The following XIRP2 variants were observed in gnomAD, a reference collection of about 807,000 sequenced individuals.
XIRP2 encodes xin actin-binding repeat-containing protein 2.
XIRP2 carries 236 observed loss-of-function variants against 277.0 expected under a neutral mutation model. The ratio of observed to expected loss-of-function variants is 0.85; its 90% CI spans 0.77 to 0.95. The LOEUF (loss-of-function observed/expected upper bound fraction) is 0.95. XIRP2 is among the 40% of genes least tolerant of loss of function. The pLI is 0.00. For missense variants in XIRP2, 4,640 were observed against 4,157.5 expected (o/e 1.12, Z -3.19); for synonymous variants, 1,490 against 1,416.5 (o/e 1.05, Z -1.17).
At chr2:167,254,210 A>G in intron 10 of XIRP2, 45 bp downstream of exon 10, 1 of 1,585,036 alleles carries the variant, frequency 6.3e-7, no homozygotes, top group Non-Finnish European at 8.6e-7. Context: ...CAGGAGCTGC[A>G]CTCTATGTAT....
chr2:167,011,790 T>C (rs1260763232), intron 2 of XIRP2, among the ~76,000 whole-genome samples: 1 of 152,028 alleles, frequency 6.6e-6, no homozygotes, highest in Non-Finnish European at 1.5e-5. Context: ...TTCTTCCTGG[T>C]TTAGTGTTGG....
Position 167,044,480 on chromosome 2 carries a change from A to G in XIRP2, c.409-91429A>G, listed in dbSNP as rs537423898. ...TCCAAATAGGAAGAGAGGCAGTCAA[A>G]CTGTCTCTCATCACAGATGATATGA... On this transcript the variant is annotated intron_variant, in intron 2 of 10. Coordinates refer to ENST00000409195, the MANE Select transcript of XIRP2 (RefSeq NM_152381.6). Among the ~76,000 whole-genome samples, 12 of 152,214 alleles carry G rather than the reference A, an allele frequency of 7.9e-5. No individual in the cohort carries two copies. The South Asian group carries it at 2.3e-3, about 29-fold the overall frequency.
At chr2:166,942,482 G>T (rs2105384464) in intron 2 of XIRP2, among the ~76,000 whole-genome samples, 1 of 152,316 alleles carries the variant, frequency 6.6e-6, no homozygotes. Flanking sequence ...ACTGCGGGCA[G>T]TCCAAGCACA....
In XIRP2 at chr2:167,243,882, G is replaced by A. The variant is rs1573991347; in HGVS notation, c.2490G>A (p.Lys830=). Residue 830 remains lysine (K), a synonymous_variant, in exon 9 of 11, where the codon AAG becomes AAA. Transcript: ENST00000409195. ...AGTCAGAAGAGGTCATCATTGAAAA[G>A]GAAAAAATAATAGGTACAGATGTCT... The part of the protein sequence containing the change: ...IKESEEVIIE[K]EKIIGTDVSR... 6.2e-7 allele frequency: 1 copy of A among 1,613,600 alleles called. No homozygotes were observed.
intron 2 of XIRP2, among the ~76,000 whole-genome samples, chr2:167,028,347 G>C (rs749653209): frequency 3.3e-5 from 5 of 151,980 alleles, no homozygotes; most frequent in Non-Finnish European, 7.4e-5. Flanking sequence ...GATTCAGGCA[G>C]CTCAGGACAT....
intron 2 of XIRP2, among the ~76,000 whole-genome samples, chr2:166,934,122 AAGTGAATGACATC>A (rs1461580772): frequency 1.3e-5 from 2 of 151,502 alleles, no homozygotes; most frequent in African/African-American, 4.9e-5. Context: ...AACATGGTAA[AAGTGAATGACATC>A]ATTCCATTGC....
intron 3 of XIRP2, among the ~76,000 whole-genome samples, chr2:167,156,194 T>G (rs567920768): frequency 6.6e-6 from 1 of 152,234 alleles, no homozygotes; most frequent in African/African-American, 2.4e-5. Context: ...ATAGATTCGA[T>G]GCCATCCCCA....
At chr2:167,157,057 T>C (rs1166506082) in intron 3 of XIRP2, among the ~76,000 whole-genome samples, 1 of 152,142 alleles carries the variant, frequency 6.6e-6, no homozygotes, top group Non-Finnish European at 1.5e-5. Flanking sequence ...AGTAATGAAA[T>C]GTTGCTTAGA....
intron 2 of XIRP2, among the ~76,000 whole-genome samples, chr2:167,128,378 A>G (rs910126232): frequency 2.0e-5 from 3 of 152,144 alleles, no homozygotes; most frequent in Non-Finnish European, 4.4e-5. Context: ...GGATTTTTTC[A>G]GTAAGTAGTC....
In XIRP2 at chr2:167,221,271, C is replaced by T. The variant is rs1198234013; in HGVS notation, c.858+2971C>T. 3.3e-5 allele frequency among the ~76,000 whole-genome samples: 5 copies of T among 151,968 alleles called. No homozygotes were observed. The East Asian group carries it at 9.7e-4, about 29-fold the overall frequency. On this transcript the variant is annotated intron_variant, in intron 5 of 10. Coordinates refer to ENST00000409195, the MANE Select transcript of XIRP2 (RefSeq NM_152381.6). ...GCAGATCACCTGAATTCAAGACCAGCTTGACCAACATGGAGAAACCCCATC... is the reference window on the plus strand; with the variant it reads ...GCAGATCACCTGAATTCAAGACCAGTTTGACCAACATGGAGAAACCCCATC...
intron 5 of XIRP2, among the ~76,000 whole-genome samples, chr2:167,225,955 G>A (rs900375723): frequency 6.6e-6 from 1 of 152,112 alleles, no homozygotes; most frequent in Non-Finnish European, 1.5e-5. Flanking sequence ...TTGCTAAATA[G>A]AGCAAAATAG....
intron 2 of XIRP2, among the ~76,000 whole-genome samples, chr2:166,971,762 A>G (rs929725855): frequency 2.0e-5 from 3 of 152,146 alleles, no homozygotes; most frequent in East Asian, 3.9e-4. Context: ...TTTTCATAGG[A>G]AAATAATTTT....
At chr2:167,116,564 T>A (rs1175153171) in intron 2 of XIRP2, among the ~76,000 whole-genome samples, 2 of 152,212 alleles carry the variant, frequency 1.3e-5, no homozygotes, top group Admixed American at 1.3e-4. Flanking sequence ...AGCATCCAGT[T>A]ATGTTGTCAA....
intron 2 of XIRP2, among the ~76,000 whole-genome samples, chr2:167,024,056 A>G (rs1688069894): frequency 6.6e-6 from 1 of 151,986 alleles, no homozygotes; most frequent in African/African-American, 2.4e-5. Flanking sequence ...CAGTATGGCC[A>G]TTTTCATGAT....
chr2:166,927,798 T>C (rs192295944), intron 2 of XIRP2, among the ~76,000 whole-genome samples: 1 of 152,066 alleles, frequency 6.6e-6, no homozygotes, highest in African/African-American at 2.4e-5. Context: ...GATGTGTGTG[T>C]GGGGGGATGG....
intron 2 of XIRP2, among the ~76,000 whole-genome samples, chr2:167,017,204 T>C (rs777264521): frequency 1.6e-4 from 24 of 152,000 alleles, no homozygotes; most frequent in Admixed American, 7.9e-4. Context: ...ATTCCTGAAG[T>C]TGTTCTCATG....
chr2:167,036,563 T>C (rs918390680), intron 2 of XIRP2, among the ~76,000 whole-genome samples: 1 of 152,182 alleles, frequency 6.6e-6, no homozygotes, highest in Non-Finnish European at 1.5e-5. Context: ...CTTGCTTTGA[T>C]TTTACAGGCT....
intron 2 of XIRP2, among the ~76,000 whole-genome samples, chr2:167,065,021 A>C (rs1447405666): frequency 6.6e-6 from 1 of 151,930 alleles, no homozygotes. Context: ...TATACCCAGA[A>C]GTAGACTTGC....
intron 1 of XIRP2, among the ~76,000 whole-genome samples, chr2:166,898,953 C>T (rs753182479): frequency 5.9e-5 from 9 of 152,042 alleles, no homozygotes; most frequent in Non-Finnish European, 1.3e-4. Context: ...GTTTTTAATC[C>T]ACCCCACAAT....
Sources: allele counts gnomAD v4.1 joint callset (sites outside exome capture counted in the v4.1 genomes callset), GRCh38; gene constraint gnomAD v4.1.1; transcripts MANE v1.5; gene names NCBI Gene and HGNC (gene_info 2026-07-23, HGNC 2026-07-21).